Variants in TDRD9 observed in about 807,000 individuals in gnomAD.
The protein encoded by TDRD9 is tudor domain containing 9, also known as ATP-dependent RNA helicase TDRD9.
Under a neutral mutation model 172.6 loss-of-function variants are expected in TDRD9, and 124 were observed. The observed-to-expected ratio is 0.72, with a 90% confidence interval of 0.62 to 0.83. The LOEUF (loss-of-function observed/expected upper bound fraction) is 0.83, where lower values mean the gene tolerates loss of function less well. Ranked by LOEUF, TDRD9 falls within the 40% of genes least tolerant of loss-of-function variation. The probability of loss-of-function intolerance (pLI) is 0.00; values close to 1 mark genes in which losing one functional copy is unlikely to be tolerated. For missense variants in TDRD9, 1,479 were observed against 1,714.1 expected, an observed-to-expected ratio of 0.86 and a Z score of 2.42; for synonymous variants, 619 against 617.1, an observed-to-expected ratio of 1.00 and a Z score of -0.05.
At chr14:103,976,074 T>C (rs2033228462) in intron 7 of TDRD9, among the ~76,000 whole-genome samples, 2 of 152,178 alleles carry the variant, frequency 1.3e-5, no homozygotes, top group South Asian at 4.1e-4. Flanking sequence ...TCTTTTCTAC[T>C]TTCTCCTTCC....
At chr14:103,985,676 G>A (rs922627622) in intron 7 of TDRD9, among the ~76,000 whole-genome samples, 4 of 152,148 alleles carry the variant, frequency 2.6e-5, no homozygotes, top group African/African-American at 7.2e-5. Context: ...AGAGGAACCC[G>A]TAAACCTTGG....
chr14:103,961,511 C>T (rs550055993), intron 2 of TDRD9, among the ~76,000 whole-genome samples: 23 of 150,808 alleles, frequency 1.5e-4, no homozygotes, highest in African/African-American at 5.1e-4. Context: ...TGCAGTGAGC[C>T]GAGATCGCGC....
chr14:103,933,454 T>TC (rs2030537154), intron 1 of TDRD9, among the ~76,000 whole-genome samples: 1 of 152,270 alleles, frequency 6.6e-6, no homozygotes, highest in African/African-American at 2.4e-5. Flanking sequence ...ATTAAAATGT[T>TC]CTTTGTCTTT....
intron 7 of TDRD9, among the ~76,000 whole-genome samples, chr14:103,981,703 C>G (rs2033479693): frequency 6.6e-6 from 1 of 152,118 alleles, no homozygotes; most frequent in South Asian, 2.1e-4. Flanking sequence ...CTTATTTAGC[C>G]TATAGTTGGG....
At chr14:104,000,693 G>A (rs1401770175) in intron 13 of TDRD9, among the ~76,000 whole-genome samples, 1 of 152,138 alleles carries the variant, frequency 6.6e-6, no homozygotes, top group African/African-American at 2.4e-5. Flanking sequence ...GCTGAGTTAC[G>A]AGAATTGCTT....
intron 6 of TDRD9, among the ~76,000 whole-genome samples, chr14:103,974,051 A>C (rs1050904573): frequency 3.3e-5 from 5 of 152,132 alleles, no homozygotes; most frequent in African/African-American, 1.2e-4. Flanking sequence ...CAGTCACAAA[A>C]ATTAGCCAGG....
At chr14:103,928,856 G>C in intron 1 of TDRD9, 132 bp downstream of exon 1, 1 of 293,742 alleles carries the variant, frequency 3.4e-6, no homozygotes, top group Non-Finnish European at 6.2e-6. Flanking sequence ...TGACCGTCCA[G>C]GGCGAGTGGT....
At chr14:104,001,992 G>A (rs1480353814) in intron 13 of TDRD9, among the ~76,000 whole-genome samples, 1 of 151,010 alleles carries the variant, frequency 6.6e-6, no homozygotes, top group Non-Finnish European at 1.5e-5. Flanking sequence ...TGTGAGATCT[G>A]TTTTTTCCGT....
intron 28 of TDRD9, among the ~76,000 whole-genome samples, chr14:104,027,315 A>G (rs181579451): frequency 4.6e-4 from 70 of 152,194 alleles, no homozygotes; most frequent in African/African-American, 1.6e-3. Flanking sequence ...CTCCCAGAGT[A>G]CTTCCAGGTG....
chr14:103,945,519 A>G (rs1185338934), intron 1 of TDRD9: 1 of 151,762 alleles, frequency 6.6e-6, no homozygotes, highest in Non-Finnish European at 1.5e-5. Context: ...AATATTTGTA[A>G]GCAAAGGTAA....
chr14:104,035,196 C>A, intron 32 of TDRD9, 140 bp downstream of exon 32: 1 of 630,892 alleles, frequency 1.6e-6, no homozygotes, highest in Non-Finnish European at 2.7e-6. Flanking sequence ...GGGGTGAAGC[C>A]TGTATTGTTA....
chr14:104,002,263 AGCCATGATTGC>A (rs2034284601), intron 13 of TDRD9, among the ~76,000 whole-genome samples: 3 of 149,350 alleles, frequency 2.0e-5, no homozygotes, highest in African/African-American at 7.4e-5. Flanking sequence ...AATGCAGTTG[AGCCATGATTGC>A]GCCACTGCAC....
chr14:103,960,086 T>TTG (rs1324888762), intron 2 of TDRD9, among the ~76,000 whole-genome samples: 1 of 152,268 alleles, frequency 6.6e-6, no homozygotes, highest in Non-Finnish European at 1.5e-5. Flanking sequence ...CAAGTTAATT[T>TTG]TGTATTCAGA....
chr14:103,968,492 A>T (rs2032852407), intron 5 of TDRD9, among the ~76,000 whole-genome samples: 1 of 152,138 alleles, frequency 6.6e-6, no homozygotes, highest in African/African-American at 2.4e-5. Flanking sequence ...GCTCTTAAGG[A>T]TAAAGTAGCT....
chr14:104,024,967 C>T (rs1177363558), intron 25 of TDRD9, among the ~76,000 whole-genome samples: 2 of 152,100 alleles, frequency 1.3e-5, no homozygotes, highest in African/African-American at 4.8e-5. Flanking sequence ...TAACAAGATA[C>T]ATGTTAGAGG....
At chr14:103,970,102 A>G (rs2032953356) in intron 5 of TDRD9, among the ~76,000 whole-genome samples, 1 of 152,176 alleles carries the variant, frequency 6.6e-6, no homozygotes, top group Non-Finnish European at 1.5e-5. Flanking sequence ...AGACTGGCAC[A>G]TCTTCTTCCC....
At chr14:104,048,269 C>T (rs893541081) in intron 34 of TDRD9, among the ~76,000 whole-genome samples, 1 of 152,144 alleles carries the variant, frequency 6.6e-6, no homozygotes, top group Non-Finnish European at 1.5e-5. Context: ...AACAAGGTCT[C>T]ACTTTGTTGC....
chr14:104,030,926 T>C (rs2035262696), intron 28 of TDRD9, among the ~76,000 whole-genome samples, 182 bp from the exon 29 acceptor site: 1 of 152,154 alleles, frequency 6.6e-6, no homozygotes, highest in Non-Finnish European at 1.5e-5. Flanking sequence ...CATGTATACA[T>C]ATGTAACTAA....
At chr14:103,936,145 A>G (rs2030748172) in intron 1 of TDRD9, among the ~76,000 whole-genome samples, 1 of 152,148 alleles carries the variant, frequency 6.6e-6, no homozygotes, top group South Asian at 2.1e-4. Context: ...GCAGTGGCAC[A>G]ATAACGTTTC....
Sources: gnomAD v4.1 joint callset for allele counts (sites outside exome capture counted in the v4.1 genomes callset) on GRCh38, gnomAD v4.1.1 for gene constraint, MANE v1.5 for transcripts, NCBI Gene and HGNC (gene_info 2026-07-23, HGNC 2026-07-21) for gene names.